LRRTM4: variants seen among roughly 807,000 people sequenced by gnomAD.
The protein encoded by LRRTM4 is leucine rich repeat transmembrane neuronal 4, also known as leucine-rich repeat transmembrane neuronal protein 4.
A neutral mutation model predicts 47.6 loss-of-function variants in LRRTM4; 25 were observed. The ratio of observed to expected loss-of-function variants is 0.53; its 90% CI spans 0.38 to 0.73. The LOEUF is 0.73. Ranked by LOEUF, LRRTM4 falls within the 30% of genes least tolerant of loss-of-function variation. LRRTM4 has a pLI of 0.00. For missense variants in LRRTM4, 638 were observed against 713.4 expected (o/e 0.89, Z 1.20); for synonymous variants, 311 against 269.5 (o/e 1.15, Z -1.51).
At chr2:77,219,023 G>C (rs2103942373) in intron 3 of LRRTM4, among the ~76,000 whole-genome samples, 1 of 152,324 alleles carries the variant, frequency 6.6e-6, no homozygotes, top group Admixed American at 6.5e-5. Flanking sequence ...TGAAATCCCT[G>C]TGAGAAATAT....
intron 3 of LRRTM4, among the ~76,000 whole-genome samples, chr2:77,424,524 T>G (rs1675032166): frequency 6.6e-6 from 1 of 152,186 alleles, no homozygotes; most frequent in African/African-American, 2.4e-5. Context: ...TATAGAATAG[T>G]TTGATTTTTA....
At chr2:76,990,192 C>T (rs1676953765) in intron 3 of LRRTM4, among the ~76,000 whole-genome samples, 1 of 151,664 alleles carries the variant, frequency 6.6e-6, no homozygotes, top group Non-Finnish European at 1.5e-5. Context: ...TTTGTTTCCA[C>T]CTATGAAAAA....
chr2:76,805,553 T>C (rs1015020048), intron 3 of LRRTM4, among the ~76,000 whole-genome samples: 3 of 152,148 alleles, frequency 2.0e-5, no homozygotes, highest in African/African-American at 4.8e-5. Context: ...GAAAATATAT[T>C]AAATTCTCCT....
At chr2:77,206,960 A>G (rs55639647) in intron 3 of LRRTM4, among the ~76,000 whole-genome samples, 11,113 of 151,784 alleles carry the variant, frequency 0.073, 627 homozygotes, top group East Asian at 0.32. Flanking sequence ...ATCTCCTACA[A>G]TAACTCCATC....
intron 3 of LRRTM4, among the ~76,000 whole-genome samples, chr2:76,931,845 C>T (rs934759922): frequency 4.6e-5 from 7 of 151,872 alleles, no homozygotes; most frequent in African/African-American, 1.2e-4. Context: ...AGAAGGGAGT[C>T]GTGATTAATT....
chr2:77,480,144 C>T (rs1243545346), intron 3 of LRRTM4, among the ~76,000 whole-genome samples: 2 of 151,950 alleles, frequency 1.3e-5, no homozygotes, highest in Non-Finnish European at 2.9e-5. Flanking sequence ...CATGCTCCTA[C>T]CATTACACGA....
At chr2:77,064,788 G>T (rs1679900291) in intron 3 of LRRTM4, among the ~76,000 whole-genome samples, 1 of 151,984 alleles carries the variant, frequency 6.6e-6, no homozygotes, top group Non-Finnish European at 1.5e-5. Flanking sequence ...TCACAGATTG[G>T]GGGGACTTTT....
chr2:76,992,367 C>G (rs1291680741), intron 3 of LRRTM4, among the ~76,000 whole-genome samples: 1 of 151,668 alleles, frequency 6.6e-6, no homozygotes, highest in African/African-American at 2.4e-5. Context: ...TGATATGATT[C>G]TATACCTAGA....
At chr2:76,861,499 A>G (rs1176561697) in intron 3 of LRRTM4, among the ~76,000 whole-genome samples, 1 of 152,102 alleles carries the variant, frequency 6.6e-6, no homozygotes, top group African/African-American at 2.4e-5. Flanking sequence ...GTCTATTGTG[A>G]GCAGTACTTT....
chr2:77,091,061 G>A (rs1217152101), intron 3 of LRRTM4, among the ~76,000 whole-genome samples: 1 of 151,982 alleles, frequency 6.6e-6, no homozygotes, highest in Admixed American at 6.6e-5. Flanking sequence ...CCCCAACTCT[G>A]GTGCCAGCTG....
intron 3 of LRRTM4, among the ~76,000 whole-genome samples, chr2:77,439,490 T>C (rs190471612): frequency 3.1e-4 from 47 of 152,222 alleles, no homozygotes; most frequent in Admixed American, 5.2e-4. Context: ...TAACTCAGTT[T>C]AGAAACTTAG....
intron 3 of LRRTM4, among the ~76,000 whole-genome samples, chr2:77,369,240 C>A (rs1471711644): frequency 6.6e-6 from 1 of 151,402 alleles, no homozygotes; most frequent in Non-Finnish European, 1.5e-5. Flanking sequence ...CTGTAGGTTG[C>A]GTTTTCATTT....
At chr2:77,381,186 G>A (rs1264723297) in intron 3 of LRRTM4, among the ~76,000 whole-genome samples, 1 of 151,878 alleles carries the variant, frequency 6.6e-6, no homozygotes, top group African/African-American at 2.4e-5. Context: ...AACATATTAA[G>A]ACTAGATATA....
At chr2:76,975,519 T>C (rs1676389672) in intron 3 of LRRTM4, among the ~76,000 whole-genome samples, 1 of 151,600 alleles carries the variant, frequency 6.6e-6, no homozygotes, top group Non-Finnish European at 1.5e-5. Context: ...TGGCAAAATA[T>C]TATCACCTCT....
chr2:76,816,909 T>G (rs1670917943), intron 3 of LRRTM4, among the ~76,000 whole-genome samples: 1 of 138,742 alleles, frequency 7.2e-6, no homozygotes, highest in African/African-American at 2.6e-5. Context: ...ATAAGAAAAA[T>G]AAATGGCTTT....
chr2:77,064,395 G>A (rs1480042923), intron 3 of LRRTM4, among the ~76,000 whole-genome samples: 2 of 152,132 alleles, frequency 1.3e-5, no homozygotes, highest in African/African-American at 2.4e-5. Context: ...AAGCTACAGA[G>A]GAAGCTAAGA....
intron 3 of LRRTM4, among the ~76,000 whole-genome samples, chr2:76,791,925 T>A (rs965192139): frequency 2.0e-5 from 3 of 152,124 alleles, no homozygotes; most frequent in Non-Finnish European, 4.4e-5. Context: ...AGACAAAAAA[T>A]TCTTAACTAG....
At chr2:76,908,367 C>T (rs1301623852) in intron 3 of LRRTM4, among the ~76,000 whole-genome samples, 11 of 151,892 alleles carry the variant, frequency 7.2e-5, no homozygotes, top group Admixed American at 6.6e-5. Context: ...CTATCTATGA[C>T]AAACCCACAG....
intron 3 of LRRTM4, among the ~76,000 whole-genome samples, chr2:77,479,448 G>A (rs938317007): frequency 3.9e-5 from 6 of 152,180 alleles, no homozygotes; most frequent in Admixed American, 2.0e-4. Flanking sequence ...AAAAACTCTG[G>A]AGGTTTCAAA....
Sources: allele counts gnomAD v4.1 joint callset (sites outside exome capture counted in the v4.1 genomes callset), GRCh38; gene constraint gnomAD v4.1.1; transcripts MANE v1.5; gene names NCBI Gene and HGNC (gene_info 2026-07-23, HGNC 2026-07-21).